Variants in SLC25A35 observed in about 807,000 individuals in gnomAD.
SLC25A35 encodes the protein solute carrier family 25 member 35.
SLC25A35 carries 32 observed loss-of-function variants against 30.5 expected under a neutral mutation model. The ratio of observed to expected loss-of-function variants is 1.05; its 90% CI spans 0.79 to 1.41. SLC25A35 has a LOEUF of 1.41. Ranked by LOEUF, SLC25A35 falls within the 40% of genes most tolerant of loss-of-function variation. The probability of loss-of-function intolerance (pLI) is 0.00; values close to 1 mark genes in which losing one functional copy is unlikely to be tolerated. For synonymous variants in SLC25A35, 142 were observed against 158.1 expected (o/e 0.90, Z 0.77); for missense variants, 369 against 388.0 (o/e 0.95, Z 0.41).
At chr17:8,292,668 C>T (rs1395941755) in intron 1 of SLC25A35, 80 bp from the exon 2 acceptor site, 2 of 1,235,320 alleles carry the variant, frequency 1.6e-6, no homozygotes, top group Non-Finnish European at 2.4e-6. Flanking sequence ...CCCCCTCACA[C>T]TTCCTCTAGG....
chr17:8,293,452 C>T (rs148987543), intron 1 of SLC25A35, among the ~76,000 whole-genome samples: 1 of 152,196 alleles, frequency 6.6e-6, no homozygotes, highest in Admixed American at 6.5e-5. Flanking sequence ...CATTTGTCTC[C>T]CTCGATCCTC....
intron 2 of SLC25A35, 56 bp from the exon 3 acceptor site, chr17:8,291,541 A>G: frequency 6.5e-7 from 1 of 1,540,782 alleles, no homozygotes; most frequent in Non-Finnish European, 8.8e-7. Context: ...AGGGGCTGCC[A>G]TCCTAACACT....
At chr17:8,292,472 G>A (rs1321688576) in intron 2 of SLC25A35, 51 bp downstream of exon 2, 10 of 1,566,806 alleles carry the variant, frequency 6.4e-6, no homozygotes, top group Non-Finnish European at 8.8e-6. Flanking sequence ...AGAAAGCTAG[G>A]GGAAAAGAGA....
At chr17:8,290,038 G>A, downstream of SLC25A35, 1 of 1,597,402 alleles carries the variant, frequency 6.3e-7, no homozygotes, top group Non-Finnish European at 8.6e-7. Context: ...TCTTCCCTGT[G>A]CGTAAACATA....
At chr17:8,289,909 C>G (rs746275946), downstream of SLC25A35, 3 of 1,614,038 alleles carry the variant, frequency 1.9e-6, no homozygotes, top group African/African-American at 4.0e-5. Context: ...TGACCCTTCA[C>G]GATCCTAACA....
At chr17:8,291,197 T>C in intron 3 of SLC25A35, 136 bp downstream of exon 3, 3 of 1,388,624 alleles carry the variant, frequency 2.2e-6, no homozygotes, top group Non-Finnish European at 3.0e-6. Flanking sequence ...GGGAAGGGTC[T>C]AAAGAGTTGA....
chr17:8,288,962 C>T, downstream of SLC25A35: 1 of 1,614,156 alleles, frequency 6.2e-7, no homozygotes, highest in South Asian at 1.1e-5. Context: ...CCAGCGACCT[C>T]CGACCGGTCC....
At chr17:8,289,451 G>T, downstream of SLC25A35, 1 of 1,614,056 alleles carries the variant, frequency 6.2e-7, no homozygotes, top group Non-Finnish European at 8.5e-7. Context: ...CTGGAAGGGC[G>T]GTAGCGGGGA....
downstream of SLC25A35, chr17:8,289,618 A>T (rs769310747): frequency 6.2e-7 from 1 of 1,604,658 alleles, no homozygotes; most frequent in Admixed American, 1.7e-5. Context: ...CGGGTATCTC[A>T]TGACTGGGTT....
chr17:8,288,695 G>C, downstream of SLC25A35: 1 of 1,387,992 alleles, frequency 7.2e-7, no homozygotes, highest in Non-Finnish European at 1.0e-6. Flanking sequence ...CCCGGGTGGC[G>C]GTGGCAGCTG....
chr17:8,289,852 A>G, downstream of SLC25A35: 1 of 1,614,082 alleles, frequency 6.2e-7, no homozygotes, highest in Non-Finnish European at 8.5e-7. Context: ...AAAATCTGTC[A>G]CCTGCACCCT....
At chr17:8,289,451 G>A (rs764262761), downstream of SLC25A35, 15 of 1,613,938 alleles carry the variant, frequency 9.3e-6, no homozygotes, top group Admixed American at 5.0e-5. Flanking sequence ...CTGGAAGGGC[G>A]GTAGCGGGGA....
At chr17:8,288,809 C>T (rs768131856), downstream of SLC25A35, 4 of 1,614,180 alleles carry the variant, frequency 2.5e-6, no homozygotes, top group Non-Finnish European at 2.5e-6. Flanking sequence ...CGAGAGACTG[C>T]CCGCTGTTCG....
At chr17:8,292,117 G>A (rs752386585) in intron 2 of SLC25A35, among the ~76,000 whole-genome samples, 1 of 152,208 alleles carries the variant, frequency 6.6e-6, no homozygotes, top group Non-Finnish European at 1.5e-5. Flanking sequence ...GGGAGGTGGA[G>A]GTTGCAGTGA....
intron 1 of SLC25A35, among the ~76,000 whole-genome samples, chr17:8,292,966 A>G (rs1990610399): frequency 6.6e-6 from 1 of 152,130 alleles, no homozygotes; most frequent in Non-Finnish European, 1.5e-5. Flanking sequence ...CACCACTTCT[A>G]TCAGGCTCCC....
Position 8,291,313 on chromosome 17 carries a change from A to G in SLC25A35, c.594+20T>C, listed in dbSNP as rs1990481337. On this transcript the variant is annotated intron_variant, in intron 3 of 4. Coordinates refer to ENST00000577745, the MANE Select transcript of SLC25A35 (RefSeq NM_001320870.2). ...CTTCCCCCCTTCCCGAAACAGACCC[A>G]CCCATTTCCCAGGCAGTACCTCCCA... is the stretch of plus-strand genomic sequence containing the variant. 1.2e-6 allele frequency: 2 copies of G among 1,612,272 alleles called. No individual in the cohort carries two copies. The highest frequency in any genetic ancestry group is 1.7e-5 in the Admixed American group (1 of 59,830).
intron 4 of SLC25A35, 26 bp from the exon 5 acceptor site, chr17:8,290,704 A>G (rs1252539071): frequency 4.4e-6 from 7 of 1,599,818 alleles, no homozygotes; most frequent in Non-Finnish European, 5.9e-6. Flanking sequence ...AGAGGGAGGG[A>G]GAGCACAGAG....
downstream of SLC25A35, chr17:8,288,466 G>C (rs1191325615): frequency 2.3e-6 from 1 of 443,708 alleles, no homozygotes; most frequent in African/African-American, 2.0e-5. Flanking sequence ...TCAATCAAGA[G>C]GAGGCTGGCG....
Position 8,294,445 on chromosome 17 carries a change from G to A in SLC25A35, c.363C>T (p.Ser121=). The stretch of plus-strand genomic sequence containing the variant: ...GCCCTCTTCTTACCATGTAGATGGG[G>A]CTCCCCAAGTAGGCTCCCATGACCC... ...MAGVMGAYLG[S]PIYMVKTHLQ... The change falls in exon 1 of 5, where the codon AGC becomes AGT. Residue 121 remains serine, a synonymous_variant. Transcript: ENST00000577745. The A allele has an allele frequency of 1.9e-6, 3 of 1,581,956 alleles. No individual in the cohort carries two copies. Among genetic ancestry groups the A allele is most frequent in the Non-Finnish European group, 2.6e-6 (3 of 1,164,772 alleles).
Sources: allele counts gnomAD v4.1 joint callset (sites outside exome capture counted in the v4.1 genomes callset), GRCh38; gene constraint gnomAD v4.1.1; transcripts MANE v1.5; gene names NCBI Gene and HGNC (gene_info 2026-07-23, HGNC 2026-07-21).